PRKCA: variants seen among roughly 807,000 people sequenced by gnomAD.
PRKCA encodes the protein protein kinase C alpha.
Under a neutral mutation model 87.0 loss-of-function variants are expected in PRKCA, and 27 were observed. The ratio of observed to expected loss-of-function variants is 0.31; its 90% CI spans 0.23 to 0.43. PRKCA has a LOEUF of 0.43. Among genes scored for constraint, PRKCA ranks in the 20% least tolerant of loss-of-function variants. PRKCA has a pLI of 1.00. For missense variants in PRKCA, 518 were observed against 852.3 expected, an observed-to-expected ratio of 0.61 and a Z score of 4.88; for synonymous variants, 329 against 311.1, an observed-to-expected ratio of 1.06 and a Z score of -0.61.
chr17:66,327,994 C>G (rs575101107), intron 2 of PRKCA, among the ~76,000 whole-genome samples: 1 of 152,244 alleles, frequency 6.6e-6, no homozygotes, highest in Admixed American at 6.5e-5. Flanking sequence ...AAGGAAAGCA[C>G]TACGGGATTT....
chr17:66,458,865 A>T (rs1479138638), intron 2 of PRKCA, among the ~76,000 whole-genome samples: 1 of 152,188 alleles, frequency 6.6e-6, no homozygotes, highest in East Asian at 1.9e-4. Context: ...CATTGGAGAA[A>T]GCAAAGGCAA....
intron 5 of PRKCA, among the ~76,000 whole-genome samples, chr17:66,686,280 T>A (rs1018189875): frequency 2.6e-5 from 4 of 152,196 alleles, no homozygotes; most frequent in African/African-American, 9.7e-5. Flanking sequence ...TTATTTTTGA[T>A]TCCCATATCA....
intron 2 of PRKCA, among the ~76,000 whole-genome samples, chr17:66,365,113 G>T: frequency 6.6e-6 from 1 of 152,198 alleles, no homozygotes; most frequent in Non-Finnish European, 1.5e-5. Context: ...ATTTATCTTT[G>T]CATCTTGAAG....
At chr17:66,720,487 C>T (rs561013112) in intron 8 of PRKCA, among the ~76,000 whole-genome samples, 8 of 152,302 alleles carry the variant, frequency 5.3e-5, no homozygotes, top group African/African-American at 1.9e-4. Flanking sequence ...CTAACGATAC[C>T]GTGAAAACCC....
rs1473673149 is a variant in PRKCA, at chr17:66,483,342, T to A, written c.206-12859T>A. Reference sequence around the variant, plus strand: ...CTGGCTTCTGGTGGTTTCCCGGCAATCTTTGGCATTCCTTGGCTTGCAGAA... The same window carrying A: ...CTGGCTTCTGGTGGTTTCCCGGCAAACTTTGGCATTCCTTGGCTTGCAGAA... On this transcript the variant is annotated intron_variant, in intron 2 of 16. Transcript: ENST00000413366. 6.6e-5 allele frequency among the ~76,000 whole-genome samples: 10 copies of A among 152,176 alleles called. 1 individual carries two copies. Among genetic ancestry groups the A allele is most frequent in the Non-Finnish European group, 1.5e-4 (10 of 68,040 alleles).
intron 2 of PRKCA, among the ~76,000 whole-genome samples, chr17:66,367,378 A>G (rs1908799405): frequency 1.3e-5 from 2 of 152,202 alleles, no homozygotes; most frequent in South Asian, 4.1e-4. Context: ...ACAGGTGAAA[A>G]ATGATGGTTT....
At chr17:66,761,466 G>A (rs1011388202) in intron 13 of PRKCA, among the ~76,000 whole-genome samples, 3 of 151,800 alleles carry the variant, frequency 2.0e-5, no homozygotes, top group Non-Finnish European at 4.4e-5. Flanking sequence ...TTTGGCGGTG[G>A]TTGTTGTTGA....
At chr17:66,780,873 C>G (rs1336742240) in intron 14 of PRKCA, among the ~76,000 whole-genome samples, 3 of 151,560 alleles carry the variant, frequency 2.0e-5, no homozygotes, top group Non-Finnish European at 4.4e-5. Flanking sequence ...TTTGAGAGGC[C>G]AAGGCGGGCA....
At chr17:66,486,055 A>G (rs1040232265) in intron 2 of PRKCA, among the ~76,000 whole-genome samples, 42 of 152,280 alleles carry the variant, frequency 2.8e-4, no homozygotes, top group African/African-American at 1.0e-3. Flanking sequence ...TTATGCCCTT[A>G]AGAGATTAAA....
chr17:66,513,623 AT>A (rs1324177330), intron 3 of PRKCA, among the ~76,000 whole-genome samples: 4 of 152,116 alleles, frequency 2.6e-5, no homozygotes, highest in Non-Finnish European at 5.9e-5. Context: ...CCTCTCTTAG[AT>A]TGTCCTCTGC....
intron 3 of PRKCA, among the ~76,000 whole-genome samples, chr17:66,586,673 C>G (rs540770843): frequency 1.3e-5 from 2 of 152,334 alleles, no homozygotes; most frequent in Middle Eastern, 3.4e-3. Context: ...CTCAAAATAA[C>G]TTCTACTAAG....
At chr17:66,660,204 C>A (rs1048692830) in intron 5 of PRKCA, among the ~76,000 whole-genome samples, 5 of 152,246 alleles carry the variant, frequency 3.3e-5, no homozygotes, top group African/African-American at 1.2e-4. Flanking sequence ...GAACAGCAGT[C>A]AGAGTGCTGT....
chr17:66,547,693 G>T (rs1473791447), intron 3 of PRKCA, among the ~76,000 whole-genome samples: 1 of 152,084 alleles, frequency 6.6e-6, no homozygotes, highest in Non-Finnish European at 1.5e-5. Flanking sequence ...TTCAAATATT[G>T]ACAGAAGGCT....
intron 8 of PRKCA, among the ~76,000 whole-genome samples, chr17:66,721,265 T>C (rs1206562058): frequency 1.3e-5 from 2 of 151,510 alleles, no homozygotes; most frequent in African/African-American, 4.9e-5. Flanking sequence ...GGCATGGTGG[T>C]GGGCACCTGT....
intron 3 of PRKCA, among the ~76,000 whole-genome samples, chr17:66,591,040 C>CT (rs1191936718): frequency 6.6e-6 from 1 of 152,184 alleles, no homozygotes; most frequent in East Asian, 1.9e-4. Context: ...TAACCTCAGA[C>CT]AAGTGACTCA....
chr17:66,754,259 T>C (rs1974499408), intron 13 of PRKCA, among the ~76,000 whole-genome samples: 1 of 151,872 alleles, frequency 6.6e-6, no homozygotes, highest in Non-Finnish European at 1.5e-5. Flanking sequence ...ATCAACATCG[T>C]TGTCACTCTT....
At chr17:66,577,134 T>C (rs1969263599) in intron 3 of PRKCA, among the ~76,000 whole-genome samples, 1 of 152,156 alleles carries the variant, frequency 6.6e-6, no homozygotes, top group Non-Finnish European at 1.5e-5. Context: ...CCTCTCAGAG[T>C]GCTGGGATTA....
At chr17:66,377,320 A>G (rs527875954) in intron 2 of PRKCA, among the ~76,000 whole-genome samples, 55 of 151,966 alleles carry the variant, frequency 3.6e-4, no homozygotes, top group African/African-American at 1.3e-3. Flanking sequence ...TCGCTGTGTC[A>G]GGCCCCAAAG....
chr17:66,339,318 T>A, intron 2 of PRKCA, among the ~76,000 whole-genome samples: 1 of 152,218 alleles, frequency 6.6e-6, no homozygotes, highest in Non-Finnish European at 1.5e-5. Context: ...TAATCTATCT[T>A]TCTTTTAAAA....
Sources: allele counts gnomAD v4.1 joint callset (sites outside exome capture counted in the v4.1 genomes callset), GRCh38; gene constraint gnomAD v4.1.1; transcripts MANE v1.5; gene names NCBI Gene and HGNC (gene_info 2026-07-23, HGNC 2026-07-21).